HADHA: variants seen among roughly 807,000 people sequenced by gnomAD.
HADHA encodes trifunctional enzyme subunit alpha, mitochondrial.
In HADHA, 59 loss-of-function variants were observed where a neutral mutation model predicts 91.3. That is an observed-to-expected ratio of 0.65 (90% confidence interval 0.52 to 0.80). The LOEUF (loss-of-function observed/expected upper bound fraction) is 0.80. Ranked by LOEUF, HADHA falls within the 30% of genes least tolerant of loss-of-function variation. The pLI, the probability that HADHA is intolerant of heterozygous loss-of-function variation, is 0.00. For synonymous variants in HADHA, 320 were observed against 338.9 expected (o/e 0.94, Z 0.61); for missense variants, 800 against 927.6 (o/e 0.86, Z 1.79).
At chr2:26,242,103 A>G (rs1670910463) in intron 1 of HADHA, among the ~76,000 whole-genome samples, 1 of 152,138 alleles carries the variant, frequency 6.6e-6, no homozygotes, top group Admixed American at 6.5e-5. Flanking sequence ...GGGTTTCACC[A>G]TGTGGGCCAG....
intron 11 of HADHA, among the ~76,000 whole-genome samples, chr2:26,208,616 C>T (rs186502647): frequency 2.0e-5 from 3 of 152,168 alleles, no homozygotes; most frequent in East Asian, 3.9e-4. Flanking sequence ...CTATTTATGC[C>T]GTGCACAGGG....
intron 4 of HADHA, 57 bp from the exon 5 acceptor site, chr2:26,234,412 G>C (rs1670698618): frequency 7.1e-6 from 10 of 1,413,782 alleles, no homozygotes; most frequent in Admixed American, 5.0e-5. Context: ...AATTTATTTG[G>C]TTCAATACTT....
chr2:26,233,473 C>T (rs1012260890), intron 5 of HADHA, among the ~76,000 whole-genome samples: 17 of 152,026 alleles, frequency 1.1e-4, no homozygotes, highest in South Asian at 2.1e-4. Context: ...TTTCCTTTTC[C>T]CCTTCTTTTC....
chr2:26,232,916 T>G (rs1670658143), intron 5 of HADHA, among the ~76,000 whole-genome samples: 1 of 151,724 alleles, frequency 6.6e-6, no homozygotes, highest in Non-Finnish European at 1.5e-5. Context: ...GTCCCCAACC[T>G]TTTTGACGCC....
intron 4 of HADHA, among the ~76,000 whole-genome samples, chr2:26,236,412 G>GTA (rs1670760711): frequency 1.5e-5 from 2 of 129,794 alleles, no homozygotes; most frequent in Non-Finnish European, 1.7e-5. Flanking sequence ...GTGTGTGTGT[G>GTA]TGTGTGTGTA....
intron 7 of HADHA, among the ~76,000 whole-genome samples, chr2:26,224,645 T>G (rs959688168): frequency 6.6e-6 from 1 of 152,240 alleles, no homozygotes; most frequent in Admixed American, 6.5e-5. Flanking sequence ...TATTTTTGGT[T>G]GTATAAAGGA....
At chr2:26,206,393 TA>T (rs774504132) in intron 11 of HADHA, among the ~76,000 whole-genome samples, 1 of 152,024 alleles carries the variant, frequency 6.6e-6, no homozygotes, top group Non-Finnish European at 1.5e-5. Flanking sequence ...CACACCCAGC[TA>T]ATTTTTGTAT....
At position 26,193,775 on chromosome 2, in the gene HADHA, G is replaced by C; in HGVS notation, c.1690-3C>G. The C allele has an allele frequency of 6.2e-7, 1 of 1,613,674 alleles. No individual in the cohort carries two copies. The highest frequency in any genetic ancestry group is 8.5e-7 in the Non-Finnish European group (1 of 1,179,590). On this transcript the variant is annotated splice_polypyrimidine_tract_variant and splice_region_variant and intron_variant, in intron 16 of 19. Coordinates refer to ENST00000380649, the MANE Select transcript of HADHA (RefSeq NM_000182.5). ...AGCTTCTTCGGGTCAACTCCTTCCT[G>C]AACAGGAAGCGATGCAGGGACCTCA...
At chr2:26,209,393 A>G (rs1670041368) in intron 11 of HADHA, among the ~76,000 whole-genome samples, 1 of 152,242 alleles carries the variant, frequency 6.6e-6, no homozygotes, top group African/African-American at 2.4e-5. Flanking sequence ...AACAATTACA[A>G]TGAGGTTTTA....
At chr2:26,216,317 ATTTTT>A (rs11406704) in intron 7 of HADHA, among the ~76,000 whole-genome samples, 2 of 110,170 alleles carry the variant, frequency 1.8e-5, no homozygotes, top group South Asian at 6.2e-4. Flanking sequence ...CATTTGACCT[ATTTTT>A]TTTTTTTTTT....
At chr2:26,220,410 C>T (rs990377442) in intron 7 of HADHA, among the ~76,000 whole-genome samples, 1 of 152,196 alleles carries the variant, frequency 6.6e-6, no homozygotes, top group Non-Finnish European at 1.5e-5. Flanking sequence ...CAAAGCAACA[C>T]CACAATCCTG....
chr2:26,196,389 C>T (rs1669672786), intron 14 of HADHA, among the ~76,000 whole-genome samples: 1 of 152,164 alleles, frequency 6.6e-6, no homozygotes, highest in South Asian at 2.1e-4. Context: ...AAGGAATTAG[C>T]CTTTATTGAT....
intron 14 of HADHA, among the ~76,000 whole-genome samples, chr2:26,195,742 C>T (rs908340647): frequency 6.6e-6 from 1 of 152,186 alleles, no homozygotes; most frequent in African/African-American, 2.4e-5. Context: ...ATTAAACCAG[C>T]AGTTCTCCAA....
intron 1 of HADHA, among the ~76,000 whole-genome samples, chr2:26,242,309 TGC>T (rs1670916538): frequency 6.6e-6 from 1 of 152,192 alleles, no homozygotes; most frequent in South Asian, 2.1e-4. Context: ...AATATAAGGG[TGC>T]AGGTCATTTT....
rs1406450451 is a variant in HADHA at position 26,190,989 on chromosome 2, C to T, written c.*261G>A. ...GGCAGAGAGGTGGCTTCAGATGGCT[C>T]TTGGCTGCCACTCTAGGCCTCGGGG... On this transcript the variant is annotated 3_prime_UTR_variant, in exon 20 of 20. Coordinates refer to ENST00000380649, the MANE Select transcript of HADHA (RefSeq NM_000182.5). The T allele has an allele frequency of 5.3e-6, 3 of 564,228 alleles. No individual in the cohort carries two copies. Among genetic ancestry groups the T allele is most frequent in the Non-Finnish European group, 9.5e-6 (3 of 314,388 alleles). 35.0% of individuals were successfully genotyped at this position (564,228 alleles called of 1,614,324 possible). A position where few individuals can be genotyped will look rare whatever the true frequency, so the allele number is the denominator to read the frequency against.
intron 10 of HADHA, 74 bp downstream of exon 10, chr2:26,212,496 C>T (rs1248499618): frequency 1.9e-6 from 2 of 1,065,728 alleles, no homozygotes; most frequent in Admixed American, 1.7e-5. Context: ...TTTCCTTTTT[C>T]AGCTTTATAC....
intron 7 of HADHA, among the ~76,000 whole-genome samples, chr2:26,225,959 T>TA (rs762296728): frequency 7.3e-5 from 11 of 151,606 alleles, no homozygotes; most frequent in African/African-American, 2.2e-4. Flanking sequence ...AGGAATCTAT[T>TA]AATAAAAAAG....
chr2:26,236,847 A>T lies in HADHA; in HGVS notation c.314+8T>A. The T allele has an allele frequency of 6.2e-7, 1 of 1,607,106 alleles. No individual in the cohort carries two copies. The highest frequency in any genetic ancestry group is 8.5e-7 in the Non-Finnish European group (1 of 1,175,022). ...ATAAAAGGTGACTTCAAGTTTCCTA[A>T]AACTTACTTGATATCAGCACCTGCA... On this transcript the variant is annotated splice_region_variant and intron_variant, in intron 4 of 19. Transcript: ENST00000380649.
intron 7 of HADHA, among the ~76,000 whole-genome samples, chr2:26,220,595 G>T (rs2147773753): frequency 6.6e-6 from 1 of 152,332 alleles, no homozygotes; most frequent in South Asian, 2.1e-4. Flanking sequence ...ATTCTAACTG[G>T]TGTTCCAGAT....
Sources: allele counts gnomAD v4.1 joint callset (sites outside exome capture counted in the v4.1 genomes callset), GRCh38; gene constraint gnomAD v4.1.1; transcripts MANE v1.5; gene names NCBI Gene and HGNC (gene_info 2026-07-23, HGNC 2026-07-21).